The following LRCOL1 variants were observed in gnomAD, a reference collection of about 807,000 sequenced individuals.
The protein encoded by LRCOL1 is leucine rich colipase like 1, also known as leucine-rich colipase-like protein 1.
A neutral mutation model predicts 21.6 loss-of-function variants in LRCOL1; 21 were observed. That is an observed-to-expected ratio of 0.97 (90% CI 0.69 to 1.40). The LOEUF (loss-of-function observed/expected upper bound fraction) is 1.40, where lower values mean the gene tolerates loss of function less well. Ranked by LOEUF, LRCOL1 falls within the 40% of genes most tolerant of loss-of-function variation. LRCOL1 has a pLI of 0.00. For synonymous variants in LRCOL1, 98 were observed against 90.1 expected (o/e 1.09, Z -0.49); for missense variants, 198 against 202.3 (o/e 0.98, Z 0.13).
At chr12:132,609,261 G>A (rs910208461) in intron 1 of LRCOL1, among the ~76,000 whole-genome samples, 5 of 152,212 alleles carry the variant, frequency 3.3e-5, no homozygotes, top group African/African-American at 1.2e-4. Flanking sequence ...ACAGTACGAT[G>A]GTGGTGCCCA....
intron 2 of LRCOL1, among the ~76,000 whole-genome samples, chr12:132,605,461 G>C (rs2041294850): frequency 6.6e-6 from 1 of 152,244 alleles, no homozygotes. Flanking sequence ...AGGCGCAGTG[G>C]CTCATGCCTG....
At chr12:132,605,642 T>A (rs2041297150) in intron 2 of LRCOL1, among the ~76,000 whole-genome samples, 1 of 151,972 alleles carries the variant, frequency 6.6e-6, no homozygotes. Flanking sequence ...GGCAGGAGAA[T>A]CGCCTGAACC....
At chr12:132,607,010 G>C (rs748269669) in intron 1 of LRCOL1, among the ~76,000 whole-genome samples, 1 of 152,136 alleles carries the variant, frequency 6.6e-6, no homozygotes, top group Admixed American at 6.5e-5. Context: ...GAGCGGGAGC[G>C]GGGGCCTCAG....
intron 5 of LRCOL1, chr12:132,603,904 C>A: frequency 8.3e-7 from 1 of 1,202,614 alleles, no homozygotes; most frequent in Non-Finnish European, 1.0e-6. Flanking sequence ...CCCTCCTCCT[C>A]CAGGGCTGGT....
chr12:132,604,858 A>T (rs2041283791), intron 2 of LRCOL1, 27 bp from the exon 3 acceptor site: 1 of 1,534,264 alleles, frequency 6.5e-7, no homozygotes, highest in African/African-American at 1.4e-5. Flanking sequence ...CAGCTCGCTC[A>T]CCTGTTCCTG....
chr12:132,603,943 G>A (rs1013332310), intron 5 of LRCOL1: 2 of 1,248,136 alleles, frequency 1.6e-6, no homozygotes, highest in Non-Finnish European at 2.0e-6. Flanking sequence ...GCCTGAAGAC[G>A]TCCAACCCCA....
intron 1 of LRCOL1, among the ~76,000 whole-genome samples, chr12:132,607,795 CTG>C (rs1246217066): frequency 6.7e-6 from 1 of 150,344 alleles, no homozygotes. Flanking sequence ...CTCCCTCTCT[CTG>C]TCTCTGTCTC....
chr12:132,603,687 C>T (rs2041257720), intron 5 of LRCOL1: 4 of 985,414 alleles, frequency 4.1e-6, no homozygotes, highest in South Asian at 4.7e-5. Context: ...CTGGGTGCCA[C>T]GACCCTTTCA....
intron 1 of LRCOL1, among the ~76,000 whole-genome samples, chr12:132,607,674 T>TTTCTGTCTCTCTCTGC: frequency 1.0e-5 from 1 of 96,092 alleles, no homozygotes; most frequent in Non-Finnish European, 2.1e-5. Flanking sequence ...TCTCTTTCTG[T>TTTCTGTCTCTCTCTGC]CTCTGTCTCT....
rs2041264477 is a variant in LRCOL1, at chr12:132,604,000, G to A, written c.477+254C>T. On this transcript the variant is annotated intron_variant, in intron 5 of 5. Coordinates refer to ENST00000376608, the MANE Select transcript of LRCOL1 (RefSeq NM_001195520.2). ...GGGTCCCCCTCCCCGCGGCTCCGCA[G>A]GCTCTGACGGTCTCTGACCGGGCAC... The A allele has an allele frequency of 9.6e-6, 13 of 1,349,566 alleles. 1 individual carries two copies. The South Asian group carries it at 1.8e-4, about 19-fold the overall frequency. 83.6% of individuals were successfully genotyped at this position (1,349,566 alleles called of 1,614,324 possible).
chr12:132,604,678 T>C, intron 3 of LRCOL1, 28 bp downstream of exon 3: 1 of 1,528,588 alleles, frequency 6.5e-7, no homozygotes, highest in East Asian at 2.5e-5. Context: ...GTCTCGCTCC[T>C]CCACCCCCGC....
intron 1 of LRCOL1, among the ~76,000 whole-genome samples, chr12:132,609,768 C>T (rs1265110373): frequency 6.6e-6 from 1 of 152,214 alleles, no homozygotes; most frequent in Non-Finnish European, 1.5e-5. Context: ...AGGTCACAGG[C>T]AGACCTCATG....
Position 132,606,783 on chromosome 12 carries a change from C to T in LRCOL1, c.-13-519G>A, listed in dbSNP as rs965500431. ...CTCCAGAATCCCGTTTGGTTGGAAT[C>T]GGTCTGTAGCCTTTTCGGGTTGGCT... is the stretch of plus-strand genomic sequence containing the variant. On this transcript the variant is annotated intron_variant, in intron 1 of 5. Coordinates refer to ENST00000376608, the MANE Select transcript of LRCOL1 (RefSeq NM_001195520.2). The surrounding 1 kb of genome is among the most constrained non-coding windows in gnomAD (Gnocchi z 4.6). Among the ~76,000 whole-genome samples the T allele has an allele frequency of 3.3e-5, 5 of 152,134 alleles. No homozygotes were observed. The highest frequency in any genetic ancestry group is 1.9e-4 in the East Asian group (1 of 5,186).
In LRCOL1 at chr12:132,610,352, T is replaced by C. The variant is rs1396294341; in HGVS notation, c.-43A>G. The C allele has an allele frequency of 6.6e-6, 1 of 152,150 alleles. No individual in the cohort carries two copies. The highest frequency in any genetic ancestry group is 2.4e-5 in the African/African-American group (1 of 41,428). The allele number at this position is 152,150 out of a possible 1,614,324, so 9.4% of individuals were successfully genotyped here. A position where few individuals can be genotyped will look rare whatever the true frequency, so the allele number is the denominator to read the frequency against. ...TTCCGTCAGGCGCCAGCAGCCCCTC[T>C]GTGTAGAGGTGAGACAGGCCAAGCT... On this transcript the variant is annotated 5_prime_UTR_variant, in exon 1 of 6. Transcript: ENST00000376608.
chr12:132,608,348 T>C (rs888002802), intron 1 of LRCOL1, among the ~76,000 whole-genome samples: 1 of 152,210 alleles, frequency 6.6e-6, no homozygotes, highest in African/African-American at 2.4e-5. Flanking sequence ...CACTCCCTCC[T>C]GTCTTTCCTG....
intron 1 of LRCOL1, among the ~76,000 whole-genome samples, chr12:132,610,048 C>T (rs2041353820): frequency 1.3e-5 from 2 of 152,356 alleles, no homozygotes; most frequent in South Asian, 4.1e-4. Flanking sequence ...GCGTAAGACC[C>T]TGGGGCTGGT....
rs1039228404 is a variant in LRCOL1 at position 132,610,551 on chromosome 12, G to C, written c.-242C>G. 1 of 152,216 alleles carries C rather than the reference G, an allele frequency of 6.6e-6. No homozygotes were observed. The highest frequency in any genetic ancestry group is 6.5e-5 in the Admixed American group (1 of 15,286). 9.4% of individuals were successfully genotyped at this position (152,216 alleles called of 1,614,324 possible). On this transcript the variant is annotated 5_prime_UTR_variant, in exon 1 of 6. Coordinates refer to ENST00000376608, the MANE Select transcript of LRCOL1 (RefSeq NM_001195520.2). The stretch of plus-strand genomic sequence containing the variant: ...CCCACATGAGAGGCTCAGTGTAGGC[G>C]TCTGGACAGGGGCCAGTCCCACAAG...
rs1318894430 is a variant in LRCOL1, at chr12:132,603,771, GC to G, written c.478-368del. ...CCGCGTTTGCGCCGCTGGCGACCTG[GC>G]CCCCTCCCCTGGCCCCAGGGCTCAG... On this transcript the variant is annotated intron_variant, in intron 5 of 5. Transcript: ENST00000376608. The G allele has an allele frequency of 1.0e-5, 10 of 985,292 alleles. No homozygotes were observed. In the South Asian group the frequency reaches 1.9e-4, roughly 19 times the overall value. 61.0% of individuals were successfully genotyped at this position (985,292 alleles called of 1,614,324 possible).
At chr12:132,603,559 G>A in intron 5 of LRCOL1, 155 bp from the exon 6 acceptor site, 1 of 985,386 alleles carries the variant, frequency 1.0e-6, no homozygotes, top group Non-Finnish European at 1.2e-6. Flanking sequence ...CTCAGCTCGC[G>A]AGAGGGACGC....
Sources: allele counts gnomAD v4.1 joint callset (sites outside exome capture counted in the v4.1 genomes callset), GRCh38; gene constraint gnomAD v4.1.1; non-coding constraint Gnocchi (gnomAD v3.1); transcripts MANE v1.5; gene names NCBI Gene and HGNC (gene_info 2026-07-23, HGNC 2026-07-21).